The following KCTD1 variants were observed in gnomAD, a reference collection of about 807,000 sequenced individuals.
KCTD1 encodes the protein BTB/POZ domain-containing protein KCTD1.
In KCTD1, 24 loss-of-function variants were observed where a neutral mutation model predicts 66.0. The observed-to-expected ratio is 0.36, with a 90% CI of 0.26 to 0.51. KCTD1 has a LOEUF of 0.51. Ranked by LOEUF, KCTD1 falls within the 20% of genes least tolerant of loss-of-function variation. The pLI, the probability that KCTD1 is intolerant of heterozygous loss-of-function variation, is 0.95. For missense variants in KCTD1, 943 were observed against 1,205.2 expected, an observed-to-expected ratio of 0.78 and a Z score of 3.22; for synonymous variants, 511 against 517.2, an observed-to-expected ratio of 0.99 and a Z score of 0.16.
intron 1 of KCTD1, among the ~76,000 whole-genome samples, chr18:26,582,048 G>A (rs1433813460): frequency 2.6e-5 from 4 of 151,134 alleles, no homozygotes; most frequent in Admixed American, 6.6e-5. Context: ...TGGGTAAGTC[G>A]CGTGAGCTCA....
At chr18:26,514,875 G>T (rs1324435619) in intron 1 of KCTD1, among the ~76,000 whole-genome samples, 1 of 152,230 alleles carries the variant, frequency 6.6e-6, no homozygotes, top group Non-Finnish European at 1.5e-5. Context: ...ATATTTTGGA[G>T]AGGATAGTGG....
At chr18:26,626,152 G>A (rs1305716627) in intron 1 of KCTD1, among the ~76,000 whole-genome samples, 74 of 137,790 alleles carry the variant, frequency 5.4e-4, no homozygotes, top group Admixed American at 3.3e-3. Context: ...AGTTTCATGA[G>A]CCAAAAAAAA....
chr18:26,544,522 T>A (rs1397127338), intron 1 of KCTD1: 1 of 152,228 alleles, frequency 6.6e-6, no homozygotes, highest in African/African-American at 2.4e-5. Flanking sequence ...CCAGTCAGTA[T>A]TAGGCTAGAG....
At chr18:26,583,419 A>AAAAAG (rs1196346686) in intron 1 of KCTD1, among the ~76,000 whole-genome samples, 1 of 142,830 alleles carries the variant, frequency 7.0e-6, no homozygotes, top group Non-Finnish European at 1.5e-5. Flanking sequence ...AAAAAAAAAG[A>AAAAAG]AAAAGAAAAG....
intron 1 of KCTD1, chr18:26,542,915 G>A (rs1985041384): frequency 6.6e-6 from 1 of 152,164 alleles, no homozygotes; most frequent in Non-Finnish European, 1.5e-5. Flanking sequence ...GCATGGAAGA[G>A]AATATAAAGG....
chr18:26,524,216 T>G (rs1418244359), intron 1 of KCTD1, among the ~76,000 whole-genome samples: 2 of 152,136 alleles, frequency 1.3e-5, no homozygotes, highest in Non-Finnish European at 2.9e-5. Flanking sequence ...TGCCTGTTGC[T>G]AGGAACAGCT....
At chr18:26,624,215 C>G (rs1320249728) in intron 1 of KCTD1, among the ~76,000 whole-genome samples, 1 of 152,090 alleles carries the variant, frequency 6.6e-6, no homozygotes, top group African/African-American at 2.4e-5. Context: ...AAAAGAAAAC[C>G]CCATTTTCTG....
chr18:26,492,630 A>T lies in KCTD1; in HGVS notation c.1988+8442T>A, dbSNP rs929702185. Among the ~76,000 whole-genome samples the T allele has an allele frequency of 2.9e-5, 4 of 137,236 alleles. No homozygotes were observed. In the East Asian group the frequency reaches 7.7e-4, roughly 27 times the overall value. The allele number at this position is 137,236 out of a possible 152,430, so 90.0% of individuals were successfully genotyped here. A position where few individuals can be genotyped will look rare whatever the true frequency, so the allele number is the denominator to read the frequency against. On this transcript the variant is annotated intron_variant, in intron 2 of 4. Coordinates refer to ENST00000580059, the MANE Select transcript of KCTD1 (RefSeq NM_001142730.3). Reference sequence around the variant, plus strand: ...CAATAAATAAATAAATAAATAAATAAATAAATAAATAAATAAATAAATAGA... The same window carrying T: ...CAATAAATAAATAAATAAATAAATATATAAATAAATAAATAAATAAATAGA...
intron 1 of KCTD1, among the ~76,000 whole-genome samples, chr18:26,625,470 CTTTT>C: frequency 1.3e-5 from 2 of 152,236 alleles, no homozygotes; most frequent in Non-Finnish European, 2.9e-5. Flanking sequence ...TTATAAGGTG[CTTTT>C]CCCCTTTTGC....
At position 26,604,408 on chromosome 18, in the gene KCTD1, G is replaced by C. The variant is rs545595106; in HGVS notation, c.-16+24739C>G. On this transcript the variant is annotated intron_variant, in intron 1 of 4. Transcript: ENST00000317932. ...ATTTGACCCAGCAATCCCATTACTG[G>C]GTATATACCCAGAGGAATATAAATC... Among the ~76,000 whole-genome samples, 73 of 152,144 alleles carry C rather than the reference G, an allele frequency of 4.8e-4. No homozygotes were observed. The South Asian group carries it at 7.3e-3, about 15-fold the overall frequency.
intron 1 of KCTD1, among the ~76,000 whole-genome samples, chr18:26,502,440 A>G (rs1982814000): frequency 6.6e-6 from 1 of 152,024 alleles, no homozygotes; most frequent in South Asian, 2.1e-4. Context: ...CGATCTGCTC[A>G]TCTCAGCCTC....
chr18:26,609,982 A>C (rs898369318), intron 1 of KCTD1, among the ~76,000 whole-genome samples: 12 of 149,342 alleles, frequency 8.0e-5, no homozygotes, highest in Admixed American at 2.7e-4. Context: ...TGAATATCTT[A>C]ACTGAAATAC....
intron 1 of KCTD1, among the ~76,000 whole-genome samples, chr18:26,621,319 C>T (rs913556960): frequency 1.3e-5 from 2 of 152,106 alleles, no homozygotes; most frequent in Non-Finnish European, 2.9e-5. Flanking sequence ...AAAATACACA[C>T]TCCAGCGTCC....
intron 1 of KCTD1, among the ~76,000 whole-genome samples, chr18:26,601,326 T>TAAAAAAAAAAAAAAAA (rs61521451): frequency 1.1e-5 from 1 of 93,252 alleles, no homozygotes; most frequent in African/African-American, 4.3e-5. Flanking sequence ...TGTTCATTGG[T>TAAAAAAAAAAAAAAAA]AAAAAAAAAA....
intron 3 of KCTD1, among the ~76,000 whole-genome samples, chr18:26,466,765 A>G (rs1192987650): frequency 6.6e-6 from 1 of 152,230 alleles, no homozygotes; most frequent in African/African-American, 2.4e-5. Context: ...TATGAAGCAA[A>G]CAGCATCACT....
At chr18:26,581,784 C>T (rs1986359706) in intron 1 of KCTD1, 1 of 152,002 alleles carries the variant, frequency 6.6e-6, no homozygotes, top group African/African-American at 2.4e-5. Flanking sequence ...TATAACACAA[C>T]ACCTAGGGAG....
At chr18:26,609,219 G>A (rs983717905) in intron 1 of KCTD1, among the ~76,000 whole-genome samples, 1 of 152,114 alleles carries the variant, frequency 6.6e-6, no homozygotes, top group African/African-American at 2.4e-5. Flanking sequence ...CACTTTATAT[G>A]ATACATTTAT....
intron 1 of KCTD1, among the ~76,000 whole-genome samples, chr18:26,588,872 C>A (rs536816234): frequency 2.0e-5 from 3 of 151,986 alleles, no homozygotes; most frequent in African/African-American, 7.3e-5. Context: ...GAATGCAAAG[C>A]CCTAATATAT....
Position 26,547,448 on chromosome 18 carries a change from G to A in KCTD1, c.1089C>T (p.Ser363=). 2 of 1,551,484 alleles carry A rather than the reference G, an allele frequency of 1.3e-6. No individual in the cohort carries two copies. Among genetic ancestry groups the A allele is most frequent in the South Asian group, 1.2e-5 (1 of 84,056 alleles). The change falls in exon 1 of 5, where the codon AGC becomes AGT. Residue 363 remains serine, a synonymous_variant. Coordinates refer to ENST00000580059, the MANE Select transcript of KCTD1 (RefSeq NM_001142730.3). ...CGTCGCTGCTCTCGGCGCGCTTCTTGCTCCACGACGACGAGCGCGACTTGT... is the reference window on the plus strand; with the variant it reads ...CGTCGCTGCTCTCGGCGCGCTTCTTACTCCACGACGACGAGCGCGACTTGT... The part of the protein sequence containing the change: ...PYHKSRSSSW[S]KKRAESSDEE...
Sources: allele counts gnomAD v4.1 joint callset (sites outside exome capture counted in the v4.1 genomes callset), GRCh38; gene constraint gnomAD v4.1.1; transcripts MANE v1.5; gene names NCBI Gene and HGNC (gene_info 2026-07-23, HGNC 2026-07-21).